Variants in DCAF6 observed in about 807,000 individuals in gnomAD.
DCAF6 encodes DDB1- and CUL4-associated factor 6.
Under a neutral mutation model 125.1 loss-of-function variants are expected in DCAF6, and 54 were observed. That is an observed-to-expected ratio of 0.43 (90% CI 0.35 to 0.54). The LOEUF is 0.54. Ranked by LOEUF, DCAF6 falls within the 20% of genes least tolerant of loss-of-function variation. DCAF6 has a pLI of 0.01. For missense variants in DCAF6, 934 were observed against 1,161.7 expected (o/e 0.80, Z 2.85); for synonymous variants, 371 against 390.4 (o/e 0.95, Z 0.58).
At chr1:167,975,063 T>C in intron 4 of DCAF6, 48 bp downstream of exon 4, 2 of 1,279,802 alleles carry the variant, frequency 1.6e-6, no homozygotes, top group Non-Finnish European at 2.1e-6. Context: ...TATGTATATT[T>C]TTGATTAAGT....
intron 12 of DCAF6, among the ~76,000 whole-genome samples, chr1:168,035,566 G>C (rs1687698333): frequency 6.6e-6 from 1 of 152,128 alleles, no homozygotes; most frequent in South Asian, 2.1e-4. Flanking sequence ...ACTACACTCA[G>C]GGACCTGAAG....
the DCAF6 span, among the ~76,000 whole-genome samples, chr1:167,879,874 CA>C: frequency 2.0e-5 from 3 of 152,172 alleles, no homozygotes; most frequent in Admixed American, 6.5e-5. Flanking sequence ...CTCATTCCAT[CA>C]ACATATAGCC....
At chr1:167,903,392 C>T in the DCAF6 span, among the ~76,000 whole-genome samples, 1 of 152,006 alleles carries the variant, frequency 6.6e-6, no homozygotes, top group Non-Finnish European at 1.5e-5. Flanking sequence ...GGTGAGACCC[C>T]ATCTCTACTA....
In DCAF6 at chr1:168,015,670, A is replaced by G. The variant is rs895031924; in HGVS notation, c.1379-111A>G. 8.4e-6 allele frequency: 8 copies of G among 956,868 alleles called. No individual in the cohort carries two copies. In the African/African-American group the frequency reaches 8.5e-5, roughly 10 times the overall value. 59.3% of individuals were successfully genotyped at this position (956,868 alleles called of 1,614,324 possible). A position where few individuals can be genotyped will look rare whatever the true frequency, so the allele number is the denominator to read the frequency against. ...AGTAATTTGTTTATAGTATTCCTCT[A>G]TGAGACATGTGTTTTGTTTATATCC... On this transcript the variant is annotated intron_variant, in intron 10 of 21. Coordinates refer to ENST00000367840, the MANE Select transcript of DCAF6 (RefSeq NM_001198956.2).
intron 21 of DCAF6, among the ~76,000 whole-genome samples, chr1:168,073,959 TATGTATTGAATAC>T (rs1558062731): frequency 6.8e-6 from 1 of 147,946 alleles, no homozygotes; most frequent in African/African-American, 2.5e-5. Context: ...ATTTTATAAA[TATGTATTGAATAC>T]ATATTTATAA....
chr1:167,954,869 G>A (rs1450401771), intron 2 of DCAF6, among the ~76,000 whole-genome samples: 1 of 152,140 alleles, frequency 6.6e-6, no homozygotes, highest in Non-Finnish European at 1.5e-5. Flanking sequence ...CATTCATGAT[G>A]ATAAAATATC....
rs567926027 is a variant in DCAF6, at chr1:168,029,869, A to G, written c.1609+6822A>G. 3.2e-4 allele frequency among the ~76,000 whole-genome samples: 49 copies of G among 152,062 alleles called. No homozygotes were observed. The Middle Eastern group carries it at 0.01, about 32-fold the overall frequency. ...GTGGCGGGCACCTGTAGTTCCAGCT[A>G]CTTGGGAGGCTGAGGTGGGAGAATG... On this transcript the variant is annotated intron_variant, in intron 12 of 21. Coordinates refer to ENST00000367840, the MANE Select transcript of DCAF6 (RefSeq NM_001198956.2).
At chr1:168,026,095 A>G (rs1161307124) in intron 12 of DCAF6, among the ~76,000 whole-genome samples, 1 of 152,218 alleles carries the variant, frequency 6.6e-6, no homozygotes, top group Admixed American at 6.5e-5. Context: ...CTCAAAAATA[A>G]TATAACTTCA....
At chr1:167,867,585 A>G in the DCAF6 span, among the ~76,000 whole-genome samples, 2 of 152,326 alleles carry the variant, frequency 1.3e-5, no homozygotes, top group South Asian at 4.1e-4. Flanking sequence ...GATGTGTGTT[A>G]TGACCCATTT....
At chr1:168,029,105 C>T (rs1412257666) in intron 12 of DCAF6, among the ~76,000 whole-genome samples, 3 of 152,050 alleles carry the variant, frequency 2.0e-5, no homozygotes, top group African/African-American at 7.2e-5. Flanking sequence ...GGAAGTTAAA[C>T]CCTATTTAAT....
intron 12 of DCAF6, among the ~76,000 whole-genome samples, chr1:168,036,532 GCTGT>G (rs1687830616): frequency 1.3e-5 from 2 of 152,106 alleles, no homozygotes; most frequent in African/African-American, 2.4e-5. Context: ...CCAATCTTTA[GCTGT>G]CTGTTTCATC....
chr1:167,952,535 T>C (rs1674126769), intron 2 of DCAF6, among the ~76,000 whole-genome samples: 1 of 152,132 alleles, frequency 6.6e-6, no homozygotes, highest in Non-Finnish European at 1.5e-5. Flanking sequence ...TTTTTTGAAA[T>C]ACTTTTTCTC....
chr1:167,904,662 T>A, the DCAF6 span: 1 of 588,488 alleles, frequency 1.7e-6, no homozygotes, highest in Non-Finnish European at 3.0e-6. Flanking sequence ...AGGGAGATCA[T>A]TTCCTGAGGT....
intron 10 of DCAF6, among the ~76,000 whole-genome samples, chr1:168,015,159 T>C (rs957852039): frequency 6.6e-6 from 1 of 152,246 alleles, no homozygotes; most frequent in Non-Finnish European, 1.5e-5. Context: ...GAATTTAATG[T>C]TATTTTTCTA....
At chr1:167,985,914 T>A (rs1466489529) in intron 4 of DCAF6, among the ~76,000 whole-genome samples, 2 of 152,202 alleles carry the variant, frequency 1.3e-5, no homozygotes, top group African/African-American at 2.4e-5. Flanking sequence ...TCTAGGCTCT[T>A]AAAAGTACAG....
chr1:167,946,426 A>G (rs1362205496), intron 1 of DCAF6, among the ~76,000 whole-genome samples: 1 of 152,138 alleles, frequency 6.6e-6, no homozygotes. Flanking sequence ...GAGTGGTGAA[A>G]GTAGGCATCC....
At chr1:167,882,353 C>T in the DCAF6 span, among the ~76,000 whole-genome samples, 7 of 151,836 alleles carry the variant, frequency 4.6e-5, no homozygotes, top group Admixed American at 1.3e-4. Flanking sequence ...GGTGTGGTGG[C>T]GCATGCCTGT....
chr1:167,976,886 GTTTTTTTTTT>G (rs397981860), intron 4 of DCAF6, among the ~76,000 whole-genome samples: 12 of 38,062 alleles, frequency 3.2e-4, no homozygotes, highest in South Asian at 1.4e-3. Flanking sequence ...TCCTTTAGCA[GTTTTTTTTTT>G]TTTTTTTTTT....
the DCAF6 span, among the ~76,000 whole-genome samples, chr1:167,864,977 T>A: frequency 2.0e-5 from 3 of 151,134 alleles, no homozygotes; most frequent in Non-Finnish European, 4.4e-5. Flanking sequence ...TTGAAATAAA[T>A]TAACTGTTGT....
Sources: allele counts gnomAD v4.1 joint callset (sites outside exome capture counted in the v4.1 genomes callset), GRCh38; gene constraint gnomAD v4.1.1; transcripts MANE v1.5; gene names NCBI Gene and HGNC (gene_info 2026-07-23, HGNC 2026-07-21).